The following MARCHF11 variants were observed in gnomAD, a reference collection of about 807,000 sequenced individuals.
MARCHF11 encodes the protein E3 ubiquitin-protein ligase MARCHF11.
MARCHF11 carries 29 observed loss-of-function variants against 37.3 expected under a neutral mutation model. That is an observed-to-expected ratio of 0.78 (90% confidence interval 0.58 to 1.06). The LOEUF (loss-of-function observed/expected upper bound fraction) is 1.06. Ranked by LOEUF, MARCHF11 falls within the 50% of genes least tolerant of loss-of-function variation. The pLI is 0.00. For missense variants in MARCHF11, 482 were observed against 533.4 expected (o/e 0.90, Z 0.95); for synonymous variants, 233 against 228.0 (o/e 1.02, Z -0.20).
At chr5:16,106,677 T>C (rs6890389) in intron 2 of MARCHF11, among the ~76,000 whole-genome samples, 78,082 of 152,070 alleles carry the variant, frequency 0.51, 20,916 homozygotes, top group African/African-American at 0.67. Context: ...AGGTGTTTGA[T>C]AATATCTGAG....
intron 2 of MARCHF11, among the ~76,000 whole-genome samples, chr5:16,096,515 T>C (rs1039400888): frequency 6.6e-6 from 1 of 152,192 alleles, no homozygotes; most frequent in Non-Finnish European, 1.5e-5. Context: ...GGTATCTTTG[T>C]GTGGGAGGTT....
intron 2 of MARCHF11, among the ~76,000 whole-genome samples, chr5:16,143,512 C>T (rs183048990): frequency 1.3e-5 from 2 of 152,344 alleles, no homozygotes; most frequent in East Asian, 1.9e-4. Flanking sequence ...GAACTCCTTT[C>T]GACCTATTTA....
rs145331094 is a variant in MARCHF11, at chr5:16,091,966, C to A, written c.694-885G>T. ...GTAAACCATGAAACTCAAAACAACC[C>A]GCATAATTTACTCATCCTGTGTGGA... On this transcript the variant is annotated intron_variant, in intron 2 of 3. Coordinates refer to ENST00000332432, the MANE Select transcript of MARCHF11 (RefSeq NM_001102562.3). Among the ~76,000 whole-genome samples the A allele has an allele frequency of 5.9e-5, 9 of 152,254 alleles. No individual in the cohort carries two copies. The East Asian group carries it at 1.7e-3, about 29-fold the overall frequency.
intron 2 of MARCHF11, among the ~76,000 whole-genome samples, chr5:16,147,373 T>C (rs2126595554): frequency 6.6e-6 from 1 of 152,292 alleles, no homozygotes; most frequent in South Asian, 2.1e-4. Context: ...CTACTATTAT[T>C]ATCTCCATTT....
intron 2 of MARCHF11, among the ~76,000 whole-genome samples, chr5:16,106,735 G>A (rs776015307): frequency 4.6e-5 from 7 of 152,108 alleles, no homozygotes; most frequent in African/African-American, 1.7e-4. Flanking sequence ...GACATCTAGC[G>A]GGTAGAGGCT....
chr5:16,150,363 A>G (rs533504424), intron 2 of MARCHF11, among the ~76,000 whole-genome samples: 2 of 149,296 alleles, frequency 1.3e-5, no homozygotes, highest in East Asian at 2.0e-4. Context: ...TTGAGGATAA[A>G]TGTGCTCCTG....
intron 2 of MARCHF11, among the ~76,000 whole-genome samples, chr5:16,160,332 TTAATA>T (rs1269117536): frequency 6.9e-6 from 1 of 144,752 alleles, no homozygotes; most frequent in Non-Finnish European, 1.5e-5. Context: ...ATTTAATAAT[TTAATA>T]TATTAATTAT....
At chr5:16,097,187 A>G (rs1316457762) in intron 2 of MARCHF11, among the ~76,000 whole-genome samples, 4 of 152,238 alleles carry the variant, frequency 2.6e-5, no homozygotes, top group African/African-American at 9.6e-5. Flanking sequence ...TTGCAACACT[A>G]AAGTTGGGAT....
At chr5:16,067,836 T>C (rs1736376035) in intron 3 of MARCHF11, 43 bp from the exon 4 acceptor site, 1 of 1,534,786 alleles carries the variant, frequency 6.5e-7, no homozygotes, top group Non-Finnish European at 8.8e-7. Context: ...CTGGTGATAA[T>C]CCAAGGCTGG....
intron 2 of MARCHF11, among the ~76,000 whole-genome samples, chr5:16,156,212 G>C (rs2126601304): frequency 6.6e-6 from 1 of 151,918 alleles, no homozygotes; most frequent in East Asian, 1.9e-4. Context: ...GACCCTGCTT[G>C]GTTTTGATCA....
intron 2 of MARCHF11, among the ~76,000 whole-genome samples, chr5:16,158,168 G>A (rs1329013990): frequency 2.6e-5 from 4 of 151,846 alleles, no homozygotes; most frequent in East Asian, 3.9e-4. Flanking sequence ...TCAAAGAGAC[G>A]AAAGATAAGT....
chr5:16,074,599 G>A (rs1250175070), intron 3 of MARCHF11, among the ~76,000 whole-genome samples: 2 of 152,146 alleles, frequency 1.3e-5, no homozygotes, highest in Admixed American at 6.5e-5. Flanking sequence ...AAAATTCACA[G>A]AACCAGGTTG....
At chr5:16,143,081 C>T (rs910529117) in intron 2 of MARCHF11, among the ~76,000 whole-genome samples, 1 of 151,892 alleles carries the variant, frequency 6.6e-6, no homozygotes, top group Admixed American at 6.6e-5. Context: ...AGTATCAGAT[C>T]TTAAACAGGG....
Position 16,142,902 on chromosome 5 carries a change from T to C in MARCHF11, c.693+34824A>G, listed in dbSNP as rs1271362249. Among the ~76,000 whole-genome samples the C allele has an allele frequency of 1.4e-4, 20 of 138,472 alleles. 1 individual carries two copies. In the East Asian group the frequency reaches 4.1e-3, roughly 28 times the overall value. 90.8% of individuals were successfully genotyped at this position (138,472 alleles called of 152,430 possible). ...CACCTGGCTTTTTTTTTTTTTTTTT[T>C]TTTTTTTTTGTATTTTTAGTAGAGA... On this transcript the variant is annotated intron_variant, in intron 2 of 3. Coordinates refer to ENST00000332432, the MANE Select transcript of MARCHF11 (RefSeq NM_001102562.3).
intron 3 of MARCHF11, among the ~76,000 whole-genome samples, chr5:16,069,245 CA>C (rs991667693): frequency 5.9e-5 from 9 of 151,980 alleles, no homozygotes; most frequent in African/African-American, 2.4e-5. Context: ...CAGAAAGAAA[CA>C]ACCAGAATGA....
intron 3 of MARCHF11, among the ~76,000 whole-genome samples, chr5:16,089,076 G>A (rs1420729645): frequency 6.6e-6 from 1 of 151,226 alleles, no homozygotes. Flanking sequence ...TAATAACTCA[G>A]CACTAAATGC....
Position 16,179,563 on chromosome 5 carries a change from C to A in MARCHF11, c.13G>T (p.Gly5Cys). ...CGACACCGACTGCCGCCGTGGCCGCCCTCAAAGCTCATGGTTGTGCCGCCG... is the reference window on the plus strand; with the variant it reads ...CGACACCGACTGCCGCCGTGGCCGCACTCAAAGCTCATGGTTGTGCCGCCG... MSFE[G>C]GHGGSRCRGA... The change falls in exon 1 of 4, where the codon GGC becomes TGC. Residue 5 changes from glycine (G) to cysteine (C), a missense_variant. Transcript: ENST00000332432. The A allele has an allele frequency of 8.4e-7, 1 of 1,186,270 alleles. No individual in the cohort carries two copies. The highest frequency in any genetic ancestry group is 1.0e-6 in the Non-Finnish European group (1 of 958,944). 73.5% of individuals were successfully genotyped at this position (1,186,270 alleles called of 1,614,324 possible).
At chr5:16,170,794 A>C (rs563513412) in intron 2 of MARCHF11, among the ~76,000 whole-genome samples, 1 of 152,230 alleles carries the variant, frequency 6.6e-6, no homozygotes, top group South Asian at 2.1e-4. Flanking sequence ...AAGCCCAGAA[A>C]CTCTAAGCAA....
chr5:16,139,810 TAAG>T (rs1737671400), intron 2 of MARCHF11, among the ~76,000 whole-genome samples: 2 of 152,062 alleles, frequency 1.3e-5, no homozygotes, highest in East Asian at 3.8e-4. Context: ...GAGTAAGAAA[TAAG>T]AATAAAATTA....
Sources: allele counts gnomAD v4.1 joint callset (sites outside exome capture counted in the v4.1 genomes callset), GRCh38; gene constraint gnomAD v4.1.1; transcripts MANE v1.5; gene names NCBI Gene and HGNC (gene_info 2026-07-23, HGNC 2026-07-21).